The following ZNF333 variants were observed in gnomAD, a reference collection of about 807,000 sequenced individuals.
ZNF333 encodes zinc finger protein 333.
In ZNF333, 61 loss-of-function variants were observed where a neutral mutation model predicts 76.1. The ratio of observed to expected loss-of-function variants is 0.80; its 90% CI spans 0.65 to 0.99. ZNF333 has a LOEUF of 0.99. ZNF333 is among the 50% of genes least tolerant of loss of function. The pLI is 0.00. For missense variants in ZNF333, 717 were observed against 822.4 expected, an observed-to-expected ratio of 0.87 and a Z score of 1.57; for synonymous variants, 284 against 305.0, an observed-to-expected ratio of 0.93 and a Z score of 0.72.
intron 7 of ZNF333, chr19:14,708,669 C>G: frequency 3.2e-6 from 1 of 311,706 alleles, no homozygotes. Flanking sequence ...CCTCAACTCA[C>G]TAGATGCTAC....
intron 5 of ZNF333, among the ~76,000 whole-genome samples, chr19:14,703,812 C>T (rs902633561): frequency 1.2e-4 from 19 of 152,074 alleles, no homozygotes; most frequent in Admixed American, 6.6e-4. Flanking sequence ...GGAGCTGGTA[C>T]GGCATGTGGG....
Position 14,716,243 on chromosome 19 carries a change from G to A in ZNF333, c.727+5G>A. The A allele has an allele frequency of 6.3e-7, 1 of 1,597,796 alleles. No homozygotes were observed. Among genetic ancestry groups the A allele is most frequent in the Middle Eastern group, 1.7e-4 (1 of 5,956 alleles). On this transcript the variant is annotated splice_donor_5th_base_variant and intron_variant, in intron 9 of 11. Transcript: ENST00000292530. ...ACAGGAACCTGGCCTCTGTGGGTAA[G>A]GCAGCTTCATCTTTTCTTTCCTTTT...
chr19:14,705,002 A>C, intron 5 of ZNF333, 52 bp from the exon 6 acceptor site: 3 of 1,560,090 alleles, frequency 1.9e-6, no homozygotes, highest in African/African-American at 1.4e-5. Context: ...CGGGCTGAGA[A>C]CAGCTGTGGT....
In ZNF333 at chr19:14,695,128, C is replaced by T. The variant is rs756885700; in HGVS notation, c.122C>T (p.Ser41Phe). The T allele has an allele frequency of 1.4e-5, 22 of 1,613,218 alleles. No individual in the cohort carries two copies. Among genetic ancestry groups the T allele is most frequent in the Non-Finnish European group, 1.8e-5 (21 of 1,179,488 alleles). ...RMLDQCRTLA[S>F]RGTPPCKPSC... ...CTTGACCAGTGCAGGACCCTGGCCT[C>T]CAGGGGTAAGGCTGGCGTCACCTGG... Residue 41 changes from serine to phenylalanine, a missense_variant, in exon 3 of 12, where the codon TCC becomes TTC. Transcript: ENST00000292530.
At chr19:14,696,941 G>A (rs1973243297) in intron 4 of ZNF333, among the ~76,000 whole-genome samples, 2 of 152,010 alleles carry the variant, frequency 1.3e-5, no homozygotes, top group African/African-American at 4.8e-5. Flanking sequence ...GTTTCACTGT[G>A]TTGGTCAGGC....
At position 14,705,142 on chromosome 19, in the gene ZNF333, A is replaced by C. The variant is rs760643125; in HGVS notation, c.395A>C (p.Gln132Pro). The C allele has an allele frequency of 6.2e-7, 1 of 1,613,658 alleles. No homozygotes were observed. The highest frequency in any genetic ancestry group is 1.1e-5 in the South Asian group (1 of 91,062). The change falls in exon 6 of 12, where the codon CAG becomes CCG. Residue 132 changes from glutamine to proline, a missense_variant. Gln to Pro is a moderately conservative substitution (Grantham distance 76). Transcript: ENST00000292530. ...ACTCGAGAGGACCGGCCAGCTCTCC[A>C]GGAGCCGCCTTGGTCTCTGGGATGC... ...PLTREDRPAL[Q>P]EPPWSLGCTG...
chr19:14,729,125 A>G (rs2042651913), intron 11 of ZNF333, among the ~76,000 whole-genome samples: 1 of 152,132 alleles, frequency 6.6e-6, no homozygotes, highest in Non-Finnish European at 1.5e-5. Context: ...GGCTGTTTAT[A>G]GTAACTTGGG....
intron 5 of ZNF333, among the ~76,000 whole-genome samples, chr19:14,700,759 C>T (rs930821478): frequency 2.0e-5 from 3 of 152,102 alleles, no homozygotes; most frequent in South Asian, 2.1e-4. Context: ...CCAAGTGGGG[C>T]GTATTAGTCC....
At chr19:14,698,903 T>TATA (rs1555771050) in intron 4 of ZNF333, among the ~76,000 whole-genome samples, 1 of 15,180 alleles carries the variant, frequency 6.6e-5, no homozygotes, top group Non-Finnish European at 1.2e-4. Context: ...AATATAGATA[T>TATA]ATATATATAT....
chr19:14,699,670 C>T (rs1973540026), intron 5 of ZNF333, among the ~76,000 whole-genome samples: 1 of 152,060 alleles, frequency 6.6e-6, no homozygotes, highest in Admixed American at 6.6e-5. Flanking sequence ...CTGTGTTGGC[C>T]AGGCTGGTCT....
At chr19:14,708,066 G>A in intron 7 of ZNF333, 1 of 394,804 alleles carries the variant, frequency 2.5e-6, no homozygotes, top group Non-Finnish European at 4.5e-6. Flanking sequence ...GGAGTGCAGT[G>A]GCACGATCTC....
chr19:14,716,220 A>C lies in ZNF333; in HGVS notation c.709A>C (p.Arg237=). ...TAGAGATGTGATGCTGGAGAACTAC[A>C]GGAACCTGGCCTCTGTGGGTAAGGC... ...LYRDVMLENY[R]NLASVADQLC... Residue 237 remains arginine, a synonymous_variant, in exon 9 of 12, where the codon AGG becomes CGG. Coordinates refer to ENST00000292530, the MANE Select transcript of ZNF333 (RefSeq NM_032433.4). 6.2e-7 allele frequency: 1 copy of C among 1,613,138 alleles called. No homozygotes were observed.
intron 1 of ZNF333, among the ~76,000 whole-genome samples, chr19:14,691,491 A>G (rs1972768926): frequency 6.6e-6 from 1 of 152,202 alleles, no homozygotes; most frequent in African/African-American, 2.4e-5. Context: ...GAGGAAAATC[A>G]TGCATCAGAT....
At chr19:14,699,941 T>C (rs1973558540) in intron 5 of ZNF333, among the ~76,000 whole-genome samples, 1 of 151,984 alleles carries the variant, frequency 6.6e-6, no homozygotes, top group Non-Finnish European at 1.5e-5. Flanking sequence ...GAGAATATGC[T>C]CCCGGTGGGG....
chr19:14,731,506 G>C (rs1342938252), exon 12 of ZNF333: 1 of 346,080 alleles, frequency 2.9e-6, no homozygotes, highest in East Asian at 5.5e-5. Context: ...AAACAGCCAG[G>C]GAAACTGCTC....
chr19:14,693,389 C>T (rs1475940214), intron 1 of ZNF333, 62 bp from the exon 2 acceptor site: 1 of 1,342,854 alleles, frequency 7.4e-7, no homozygotes, highest in Non-Finnish European at 1.0e-6. Context: ...GCTGGAGATC[C>T]CCCAAAATGC....
Position 14,716,991 on chromosome 19 carries a change from C to T in ZNF333, c.728-3C>T. On this transcript the variant is annotated splice_polypyrimidine_tract_variant and splice_region_variant and intron_variant, in intron 9 of 11. Coordinates refer to ENST00000292530, the MANE Select transcript of ZNF333 (RefSeq NM_032433.4). ...ACAACATGTGTTTTTTTCTCATGAG[C>T]AGCTGATCAACTGTGCAAACCCAAT... 6.2e-7 allele frequency: 1 copy of T among 1,609,208 alleles called. No individual in the cohort carries two copies. Among genetic ancestry groups the T allele is most frequent in the Non-Finnish European group, 8.5e-7 (1 of 1,177,310 alleles).
At position 14,717,020 on chromosome 19, in the gene ZNF333, T is replaced by A; in HGVS notation, c.754T>A (p.Leu252Met). ...VADQLCKPNALSYLEERGEQW... is the reference protein window; with the variant it reads ...VADQLCKPNAMSYLEERGEQW... ...TGATCAACTGTGCAAACCCAATGCG[T>A]TGTCTTATTTGGAAGAAAGAGGAGA... The change falls in exon 10 of 12, where the codon TTG becomes ATG. Residue 252 changes from leucine to methionine, a missense_variant. Leu to Met is a conservative substitution (Grantham distance 15). Coordinates refer to ENST00000292530, the MANE Select transcript of ZNF333 (RefSeq NM_032433.4). The A allele has an allele frequency of 6.2e-7, 1 of 1,612,214 alleles. No homozygotes were observed. Among genetic ancestry groups the A allele is most frequent in the Non-Finnish European group, 8.5e-7 (1 of 1,179,130 alleles).
At position 14,721,125 on chromosome 19, in the gene ZNF333, C is replaced by G; in HGVS notation, c.*1800C>G. 6.3e-6 allele frequency: 2 copies of G among 319,842 alleles called. No homozygotes were observed. Among genetic ancestry groups the G allele is most frequent in the Non-Finnish European group, 9.0e-6 (2 of 221,962 alleles). 19.8% of individuals were successfully genotyped at this position (319,842 alleles called of 1,614,324 possible). A position where few individuals can be genotyped will look rare whatever the true frequency, so the allele number is the denominator to read the frequency against. ...TTTTAATTTAGTCCTCACACTGACA[C>G]TTTGAGGTATGTACTGTTATCCCCA... On this transcript the variant is annotated 3_prime_UTR_variant, in exon 12 of 12. Transcript: ENST00000292530.
Sources: allele counts gnomAD v4.1 joint callset (sites outside exome capture counted in the v4.1 genomes callset), GRCh38; gene constraint gnomAD v4.1.1; transcripts MANE v1.5; gene names NCBI Gene and HGNC (gene_info 2026-07-23, HGNC 2026-07-21).